AZIN2: variants seen among roughly 807,000 people sequenced by gnomAD.
AZIN2 encodes ODC antizyme inhibitor-2.
A neutral mutation model predicts 47.8 loss-of-function variants in AZIN2; 28 were observed. The ratio of observed to expected loss-of-function variants is 0.59; its 90% CI spans 0.43 to 0.80. The LOEUF is 0.80. AZIN2 is among the 30% of genes least tolerant of loss of function. AZIN2 has a pLI of 0.00. For missense variants in AZIN2, 535 were observed against 582.5 expected (o/e 0.92, Z 0.84); for synonymous variants, 221 against 239.4 (o/e 0.92, Z 0.71).
the AZIN2 span, among the ~76,000 whole-genome samples, chr1:33,136,300 TTTTC>T: frequency 7.3e-3 from 1,039 of 141,516 alleles, 7 homozygotes; most frequent in African/African-American, 0.017. Context: ...CTTTCTTTCT[TTTTC>T]TTTCTTTCTT....
chr1:33,108,592 C>T (rs11803375), intron 10 of AZIN2, among the ~76,000 whole-genome samples: 2,898 of 152,302 alleles, frequency 0.019, 76 homozygotes, highest in East Asian at 0.08. Flanking sequence ...ATTCGCCCAC[C>T]TTGGCCTCCC....
the AZIN2 span, among the ~76,000 whole-genome samples, chr1:33,152,862 C>T: frequency 6.6e-6 from 1 of 152,156 alleles, no homozygotes; most frequent in Middle Eastern, 3.4e-3. Context: ...GGAGAGCAGC[C>T]CAGGATGGGG....
chr1:33,130,683 G>A, the AZIN2 span, among the ~76,000 whole-genome samples: 1 of 152,192 alleles, frequency 6.6e-6, no homozygotes, highest in Non-Finnish European at 1.5e-5. Flanking sequence ...AGGGAGATAA[G>A]TAATATTCGT....
At chr1:33,087,761 AAGACTCAAC>A (rs1418712089) in intron 5 of AZIN2, among the ~76,000 whole-genome samples, 2 of 152,040 alleles carry the variant, frequency 1.3e-5, no homozygotes, top group African/African-American at 4.8e-5. Flanking sequence ...AAAAAAAAAA[AAGACTCAAC>A]AGTAACATAT....
chr1:33,089,113 G>A (rs1642249692), intron 5 of AZIN2, among the ~76,000 whole-genome samples: 1 of 152,182 alleles, frequency 6.6e-6, no homozygotes, highest in Admixed American at 6.5e-5. Flanking sequence ...GGTGTGCTAA[G>A]GTCTGACAGT....
At chr1:33,130,229 C>G in the AZIN2 span, among the ~76,000 whole-genome samples, 4 of 152,330 alleles carry the variant, frequency 2.6e-5, no homozygotes, top group Admixed American at 1.3e-4. Context: ...CTGAGTTGTC[C>G]TTAATGATTT....
chr1:33,118,331 A>C (rs1644659379), intron 11 of AZIN2: 2 of 489,066 alleles, frequency 4.1e-6, no homozygotes, highest in East Asian at 6.9e-5. Context: ...AGGCACAGAG[A>C]AGCAGACAGG....
intron 5 of AZIN2, among the ~76,000 whole-genome samples, chr1:33,089,572 C>G (rs924277408): frequency 6.6e-6 from 1 of 152,248 alleles, no homozygotes; most frequent in African/African-American, 2.4e-5. Context: ...TCCACATCCA[C>G]TCAGATTCGG....
chr1:33,145,237 G>A, the AZIN2 span, among the ~76,000 whole-genome samples: 2 of 152,208 alleles, frequency 1.3e-5, no homozygotes, highest in East Asian at 1.9e-4. Flanking sequence ...CCCCAGGTAA[G>A]TCTTGGCTTC....
intron 9 of AZIN2, among the ~76,000 whole-genome samples, chr1:33,097,833 C>T (rs1457410930): frequency 2.6e-5 from 4 of 152,136 alleles, no homozygotes; most frequent in African/African-American, 9.7e-5. Flanking sequence ...CAGATGCAAG[C>T]AGGGGAGTGC....
intron 10 of AZIN2, among the ~76,000 whole-genome samples, chr1:33,116,770 CT>C (rs1199661610): frequency 2.0e-5 from 3 of 152,164 alleles, no homozygotes; most frequent in African/African-American, 7.2e-5. Context: ...GCCATTTTAG[CT>C]GAGATCTAAA....
At chr1:33,149,185 C>T in the AZIN2 span, among the ~76,000 whole-genome samples, 1 of 152,300 alleles carries the variant, frequency 6.6e-6, no homozygotes, top group East Asian at 1.9e-4. Context: ...CAGAGTCTTG[C>T]TTTATCCCCC....
At chr1:33,104,071 C>T (rs1019403346) in intron 10 of AZIN2, among the ~76,000 whole-genome samples, 17 of 151,998 alleles carry the variant, frequency 1.1e-4, no homozygotes, top group Admixed American at 3.3e-4. Context: ...TTAGTAGAGA[C>T]GGCATTTCAC....
At chr1:33,147,703 G>A in the AZIN2 span, 58 of 1,612,576 alleles carry the variant, frequency 3.6e-5, no homozygotes, top group Middle Eastern at 1.6e-4. The surrounding 1 kb of genome is among the most constrained non-coding windows in gnomAD (Gnocchi z 8.1). Flanking sequence ...GGCTGTGCCC[G>A]GGTCCAGGGT....
rs1240518900 is a variant in AZIN2, at chr1:33,123,007, C to A, written c.*2825C>A. Among the ~76,000 whole-genome samples, 9 of 152,182 alleles carry A rather than the reference C, an allele frequency of 5.9e-5. No homozygotes were observed. ...GCCAGCTGGCTCTCTGACTCCCACA[C>A]TTCCCTCTCACGCACTGGGTCCTGG... On this transcript the variant is annotated 3_prime_UTR_variant, in exon 12 of 12. Coordinates refer to ENST00000294517, the MANE Select transcript of AZIN2 (RefSeq NM_052998.4).
At chr1:33,147,805 A>G in the AZIN2 span, 4 of 1,522,610 alleles carry the variant, frequency 2.6e-6, no homozygotes, top group Middle Eastern at 2.2e-4. The surrounding 1 kb of genome is among the most constrained non-coding windows in gnomAD (Gnocchi z 8.1). Context: ...TCCTGAGGGC[A>G]GAGTTCTGGT....
At position 33,122,502 on chromosome 1, in the gene AZIN2, C is replaced by A. The variant is rs1320457357; in HGVS notation, c.*2320C>A. 6.6e-6 allele frequency among the ~76,000 whole-genome samples: 1 copy of A among 152,144 alleles called. No individual in the cohort carries two copies. Among genetic ancestry groups the A allele is most frequent in the Non-Finnish European group, 1.5e-5 (1 of 68,014 alleles). On this transcript the variant is annotated 3_prime_UTR_variant, in exon 12 of 12. Coordinates refer to ENST00000294517, the MANE Select transcript of AZIN2 (RefSeq NM_052998.4). ...ATTTGTTTTTGTTTCTTATTTCAAT[C>A]TTTTTCTAAAGAGAAGAAAAAAGCC...
intron 5 of AZIN2, among the ~76,000 whole-genome samples, chr1:33,086,968 C>A (rs1641975243): frequency 2.0e-5 from 3 of 152,144 alleles, no homozygotes; most frequent in Non-Finnish European, 4.4e-5. Flanking sequence ...ACCAACATCC[C>A]CAGTGAGCAC....
At chr1:33,086,548 G>A (rs75684534) in intron 5 of AZIN2, among the ~76,000 whole-genome samples, 4 of 152,330 alleles carry the variant, frequency 2.6e-5, no homozygotes, top group South Asian at 2.1e-4. Context: ...TCTTCTGGTC[G>A]TCTGTAGTGG....
Sources: allele counts gnomAD v4.1 joint callset (sites outside exome capture counted in the v4.1 genomes callset), GRCh38; gene constraint gnomAD v4.1.1; non-coding constraint Gnocchi (gnomAD v3.1); transcripts MANE v1.5; gene names NCBI Gene and HGNC (gene_info 2026-07-23, HGNC 2026-07-21).